ZMAT4: variants seen among roughly 807,000 people sequenced by gnomAD.
ZMAT4 encodes the protein zinc finger matrin-type 4.
A neutral mutation model predicts 28.7 loss-of-function variants in ZMAT4; 17 were observed. The ratio of observed to expected loss-of-function variants is 0.59; its 90% CI spans 0.41 to 0.89. The LOEUF is 0.89. Ranked by LOEUF, ZMAT4 falls within the 40% of genes least tolerant of loss-of-function variation. ZMAT4 has a pLI of 0.00. For synonymous variants in ZMAT4, 117 were observed against 109.2 expected (o/e 1.07, Z -0.44); for missense variants, 240 against 283.8 (o/e 0.85, Z 1.11).
At position 40,776,099 on chromosome 8, in the gene ZMAT4, A is replaced by G. The variant is rs1039173043; in HGVS notation, c.103-8369T>C. ...AAGCCCCCAAATCTGGTATCTTGTT[A>G]TGACACAGCCTAGGCTGACTAATAC... On this transcript the variant is annotated intron_variant, in intron 2 of 6. Coordinates refer to ENST00000297737, the MANE Select transcript of ZMAT4 (RefSeq NM_024645.3). Among the ~76,000 whole-genome samples the G allele has an allele frequency of 1.3e-5, 2 of 152,254 alleles. 1 individual carries two copies.
intron 2 of ZMAT4, among the ~76,000 whole-genome samples, chr8:40,806,877 A>T (rs913383867): frequency 6.6e-6 from 1 of 152,042 alleles, no homozygotes; most frequent in Non-Finnish European, 1.5e-5. Flanking sequence ...ATATGTTGGG[A>T]TAATAAATGC....
chr8:40,703,784 A>C (rs952489237), intron 3 of ZMAT4, among the ~76,000 whole-genome samples: 1 of 152,228 alleles, frequency 6.6e-6, no homozygotes, highest in African/African-American at 2.4e-5. Flanking sequence ...AAAGTCTAAA[A>C]GATTCATTTA....
At chr8:40,614,126 T>G (rs1805905780) in intron 5 of ZMAT4, among the ~76,000 whole-genome samples, 1 of 152,206 alleles carries the variant, frequency 6.6e-6, no homozygotes, top group African/African-American at 2.4e-5. Context: ...GCGTCTTTCT[T>G]TGAACCCCCT....
chr8:40,806,371 A>G (rs1815085489), intron 2 of ZMAT4, among the ~76,000 whole-genome samples: 1 of 152,238 alleles, frequency 6.6e-6, no homozygotes, highest in South Asian at 2.1e-4. Flanking sequence ...TTTCTTAATG[A>G]CATGGATGTG....
intron 6 of ZMAT4, among the ~76,000 whole-genome samples, chr8:40,562,792 T>G (rs974379622): frequency 6.6e-6 from 1 of 152,132 alleles, no homozygotes; most frequent in African/African-American, 2.4e-5. Context: ...TACACCTTCC[T>G]TCTTGAAATG....
chr8:40,891,874 C>T (rs1331655077), intron 1 of ZMAT4, among the ~76,000 whole-genome samples: 1 of 152,206 alleles, frequency 6.6e-6, no homozygotes, highest in African/African-American at 2.4e-5. Context: ...CTTCTCAGGG[C>T]TACACACAGA....
intron 5 of ZMAT4, among the ~76,000 whole-genome samples, chr8:40,633,357 T>A (rs907053603): frequency 6.6e-6 from 1 of 152,032 alleles, no homozygotes; most frequent in African/African-American, 2.4e-5. Context: ...CCCCGATAAG[T>A]GGGAAACCCA....
At chr8:40,630,082 T>C (rs1331908479) in intron 5 of ZMAT4, among the ~76,000 whole-genome samples, 1 of 152,154 alleles carries the variant, frequency 6.6e-6, no homozygotes, top group Non-Finnish European at 1.5e-5. Flanking sequence ...ACAGGGCAGG[T>C]TCTATATTAC....
intron 1 of ZMAT4, among the ~76,000 whole-genome samples, chr8:40,893,171 G>C (rs895884910): frequency 6.6e-6 from 1 of 152,134 alleles, no homozygotes; most frequent in South Asian, 2.1e-4. Flanking sequence ...CCCTCATCCT[G>C]TGCTTCTTCT....
intron 2 of ZMAT4, among the ~76,000 whole-genome samples, chr8:40,800,852 AAAAAAATTAAATTC>A (rs1171165152): frequency 2.0e-5 from 3 of 152,072 alleles, no homozygotes; most frequent in Admixed American, 6.6e-5. Flanking sequence ...GAAAGAGAAG[AAAAAAATTAAATTC>A]AAAGCAAGCA....
rs1806955362 is a variant in ZMAT4 at position 40,640,136 on chromosome 8, C to T, written c.577+34568G>A. Among the ~76,000 whole-genome samples, 6 of 152,028 alleles carry T rather than the reference C, an allele frequency of 3.9e-5. No homozygotes were observed. In the South Asian group the frequency reaches 1.2e-3, roughly 32 times the overall value. ...GGACTACAGGTGTGCATCACCAAGC[C>T]TGACTAAGTTTTCTTGTTTTTTGTA... On this transcript the variant is annotated intron_variant, in intron 5 of 6. Coordinates refer to ENST00000297737, the MANE Select transcript of ZMAT4 (RefSeq NM_024645.3).
At chr8:40,766,058 G>T (rs914892823) in intron 3 of ZMAT4, among the ~76,000 whole-genome samples, 2 of 152,112 alleles carry the variant, frequency 1.3e-5, no homozygotes, top group African/African-American at 2.4e-5. Context: ...TACGAAATTG[G>T]TATCCTCCTC....
intron 6 of ZMAT4, among the ~76,000 whole-genome samples, chr8:40,554,043 TTGTCA>T (rs1803447201): frequency 6.6e-6 from 1 of 152,154 alleles, no homozygotes; most frequent in East Asian, 1.9e-4. Flanking sequence ...TATACATGTC[TTGTCA>T]TGTCATATCA....
intron 2 of ZMAT4, among the ~76,000 whole-genome samples, chr8:40,801,362 A>ATATG (rs1814836182): frequency 6.9e-6 from 1 of 145,230 alleles, no homozygotes. Context: ...ATATATATAT[A>ATATG]TATATATATA....
chr8:40,803,682 A>G (rs561957171), intron 2 of ZMAT4, among the ~76,000 whole-genome samples: 1 of 152,324 alleles, frequency 6.6e-6, no homozygotes, highest in Admixed American at 6.5e-5. Context: ...TTTCTTACAA[A>G]ACTAACCATA....
intron 2 of ZMAT4, among the ~76,000 whole-genome samples, chr8:40,806,532 A>G (rs1156228737): frequency 6.6e-6 from 1 of 152,170 alleles, no homozygotes; most frequent in African/African-American, 2.4e-5. Context: ...TTCGTTTTTA[A>G]TTATTAAATA....
intron 3 of ZMAT4, among the ~76,000 whole-genome samples, chr8:40,711,795 T>G (rs1401544399): frequency 6.6e-6 from 1 of 152,198 alleles, no homozygotes; most frequent in African/African-American, 2.4e-5. Flanking sequence ...TAGTGGTTAC[T>G]TCTGTGGAAA....
chr8:40,886,277 C>T (rs1393924800), intron 1 of ZMAT4, among the ~76,000 whole-genome samples: 38 of 152,202 alleles, frequency 2.5e-4, no homozygotes, highest in Non-Finnish European at 4.4e-5. Context: ...CTGCTGGCAT[C>T]CTTCTTCAGG....
chr8:40,541,317 G>A (rs1051465694), intron 6 of ZMAT4, among the ~76,000 whole-genome samples: 2 of 151,982 alleles, frequency 1.3e-5, no homozygotes, highest in African/African-American at 4.8e-5. Flanking sequence ...CCTGTTCAAG[G>A]GCAAGCAAAG....
Sources: allele counts gnomAD v4.1 joint callset (sites outside exome capture counted in the v4.1 genomes callset), GRCh38; gene constraint gnomAD v4.1.1; transcripts MANE v1.5; gene names NCBI Gene and HGNC (gene_info 2026-07-23, HGNC 2026-07-21).